CCDC73: variants seen among roughly 807,000 people sequenced by gnomAD.
CCDC73 encodes coiled-coil domain-containing protein 73.
CCDC73 carries 95 observed loss-of-function variants against 116.5 expected under a neutral mutation model. That is an observed-to-expected ratio of 0.82 (90% CI 0.69 to 0.97). The LOEUF is 0.97. Among genes scored for constraint, CCDC73 ranks in the 50% least tolerant of loss-of-function variants. The pLI is 0.00. For missense variants in CCDC73, 1,066 were observed against 1,206.8 expected, an observed-to-expected ratio of 0.88 and a Z score of 1.73; for synonymous variants, 398 against 401.3, an observed-to-expected ratio of 0.99 and a Z score of 0.10.
chr11:32,785,372 G>A (rs1379975573), intron 1 of CCDC73, among the ~76,000 whole-genome samples: 1 of 152,066 alleles, frequency 6.6e-6, no homozygotes, highest in Admixed American at 6.6e-5. Flanking sequence ...AGCTTGACAA[G>A]GTGAGAAATG....
the CCDC73 span, among the ~76,000 whole-genome samples, chr11:32,828,622 T>A: frequency 6.6e-6 from 1 of 152,156 alleles, no homozygotes; most frequent in South Asian, 2.1e-4. Flanking sequence ...GTTAAGCACG[T>A]TCTTTGGATA....
intron 1 of CCDC73, among the ~76,000 whole-genome samples, chr11:32,767,171 T>C (rs1365785600): frequency 6.6e-6 from 1 of 151,984 alleles, no homozygotes; most frequent in Non-Finnish European, 1.5e-5. Flanking sequence ...ATACCACACA[T>C]CTACGACCAT....
At chr11:32,675,790 A>G in intron 8 of CCDC73, 96 bp downstream of exon 8, 2 of 1,230,026 alleles carry the variant, frequency 1.6e-6, no homozygotes, top group Non-Finnish European at 2.3e-6. Flanking sequence ...ATTTACTATT[A>G]TCAGTATTAT....
At chr11:32,715,099 G>C (rs1410907242) in intron 3 of CCDC73, among the ~76,000 whole-genome samples, 1 of 152,072 alleles carries the variant, frequency 6.6e-6, no homozygotes, top group Non-Finnish European at 1.5e-5. Flanking sequence ...TTATTTGCAG[G>C]CTTTTGTTCT....
chr11:32,617,457 A>C (rs1293228607), intron 14 of CCDC73, among the ~76,000 whole-genome samples: 1 of 152,194 alleles, frequency 6.6e-6, no homozygotes, highest in African/African-American at 2.4e-5. Context: ...AACCCACCAA[A>C]CTAATTTCCA....
Position 32,609,966 on chromosome 11 carries a change from T to C in CCDC73, c.3030+1166A>G, listed in dbSNP as rs1210965030. Among the ~76,000 whole-genome samples the C allele has an allele frequency of 5.3e-5, 8 of 149,688 alleles. No individual in the cohort carries two copies. In the South Asian group the frequency reaches 1.7e-3, roughly 32 times the overall value. ...AGCTAATTTTTTTTTTTTTTTTGTA[T>C]TTTTAGTAGAGACAGGGTTTCACCA... On this transcript the variant is annotated intron_variant, in intron 17 of 17. Transcript: ENST00000335185.
the CCDC73 span, among the ~76,000 whole-genome samples, chr11:32,827,704 G>C: frequency 6.6e-6 from 1 of 152,138 alleles, no homozygotes; most frequent in African/African-American, 2.4e-5. Context: ...ACTCCCCTGG[G>C]TACTGTCGAG....
chr11:32,652,153 G>A (rs1054134108), intron 12 of CCDC73, among the ~76,000 whole-genome samples: 13 of 151,932 alleles, frequency 8.6e-5, no homozygotes, highest in African/African-American at 2.4e-5. Context: ...AGAAACATAT[G>A]CCTAGCTGGC....
chr11:32,621,922 TG>T (rs2133228568), intron 14 of CCDC73, among the ~76,000 whole-genome samples: 1 of 152,332 alleles, frequency 6.6e-6, no homozygotes, highest in South Asian at 2.1e-4. Flanking sequence ...TCAACATCAC[TG>T]ATCATTAGAG....
rs181087584 is a variant in CCDC73, at chr11:32,709,719, G to C, written c.208-6775C>G. Among the ~76,000 whole-genome samples, 7 of 152,324 alleles carry C rather than the reference G, an allele frequency of 4.6e-5. No homozygotes were observed. In the East Asian group the frequency reaches 1.3e-3, roughly 29 times the overall value. On this transcript the variant is annotated intron_variant, in intron 3 of 17. Transcript: ENST00000335185. ...TGGTTTTGGTATTAGGATGATACTG[G>C]CTTCACAGAATGATTAAGGGAGGAT...
intron 9 of CCDC73, among the ~76,000 whole-genome samples, chr11:32,670,360 A>G (rs893282622): frequency 1.3e-5 from 2 of 152,062 alleles, no homozygotes; most frequent in East Asian, 3.9e-4. Context: ...GTCTCTACTA[A>G]AAATACAAAA....
At position 32,614,418 on chromosome 11, in the gene CCDC73, C is replaced by G; in HGVS notation, c.1900G>C (p.Asp634His). 1 of 1,613,340 alleles carries G rather than the reference C, an allele frequency of 6.2e-7. No individual in the cohort carries two copies. Among genetic ancestry groups the G allele is most frequent in the Non-Finnish European group, 8.5e-7 (1 of 1,179,652 alleles). ...QTKADLDSSL[D>H]IKKNPVPCQK... ...CATGGAACAGGATTTTTTTTTATAT[C>G]TAGAGACGAGTCCAAATCTGCTTTG... Residue 634 changes from aspartate (D) to histidine (H), a missense_variant, in exon 16 of 18, where the codon GAT becomes CAT. Physicochemically the swap from Asp to His is moderately conservative, Grantham distance 81 (BLOSUM62 -1). Transcript: ENST00000335185.
intron 14 of CCDC73, among the ~76,000 whole-genome samples, chr11:32,629,128 G>GA (rs1463129988): frequency 6.6e-6 from 1 of 151,814 alleles, no homozygotes; most frequent in African/African-American, 2.4e-5. Flanking sequence ...AGCAGAGAGG[G>GA]AAAAAAAGAC....
Position 32,679,552 on chromosome 11 carries a change from C to T in CCDC73, c.430-3531G>A, listed in dbSNP as rs555020008. ...CTAATTTTTTGTATTTTAATAGAGACGGGGTTTCACTGTGTTGCCCAGGCT... is the reference window on the plus strand; with the variant it reads ...CTAATTTTTTGTATTTTAATAGAGATGGGGTTTCACTGTGTTGCCCAGGCT... On this transcript the variant is annotated intron_variant, in intron 7 of 17. Coordinates refer to ENST00000335185, the MANE Select transcript of CCDC73 (RefSeq NM_001008391.4). 5.3e-4 allele frequency among the ~76,000 whole-genome samples: 80 copies of T among 152,078 alleles called. 2 individuals carry two copies. In the South Asian group the frequency reaches 0.015, roughly 29 times the overall value.
At chr11:32,739,618 A>G (rs1249068750) in intron 2 of CCDC73, among the ~76,000 whole-genome samples, 1 of 152,146 alleles carries the variant, frequency 6.6e-6, no homozygotes, top group East Asian at 1.9e-4. Context: ...GTTTTTCCAA[A>G]TAGAAGATCA....
chr11:32,685,785 G>A lies in CCDC73; in HGVS notation c.391-2211C>T, dbSNP rs183102024. Among the ~76,000 whole-genome samples, 1,021 of 138,922 alleles carry A rather than the reference G, an allele frequency of 7.3e-3. 15 individuals are homozygous for A. Among genetic ancestry groups the A allele is most frequent in the African/African-American group, 0.027 (983 of 36,732 alleles). 91.1% of individuals were successfully genotyped at this position (138,922 alleles called of 152,430 possible). A position where few individuals can be genotyped will look rare whatever the true frequency, so the allele number is the denominator to read the frequency against. ...TCACCAGGTTGGAGTGCAGTGGTGC[G>A]ATCTCAGCTCACTGCAACCTCTGCC... On this transcript the variant is annotated intron_variant, in intron 6 of 17. Coordinates refer to ENST00000335185, the MANE Select transcript of CCDC73 (RefSeq NM_001008391.4).
At chr11:32,738,839 G>A (rs1363907692) in intron 2 of CCDC73, among the ~76,000 whole-genome samples, 2 of 152,058 alleles carry the variant, frequency 1.3e-5, no homozygotes, top group Admixed American at 1.3e-4. Flanking sequence ...TGAGGTTTTA[G>A]ATTTAAGTCT....
At chr11:32,744,934 T>C (rs1355125497) in intron 2 of CCDC73, among the ~76,000 whole-genome samples, 3 of 152,152 alleles carry the variant, frequency 2.0e-5, no homozygotes, top group African/African-American at 7.2e-5. Context: ...AGTTATTTCT[T>C]GTCTTCTGCT....
At chr11:32,665,592 TG>T (rs1855973323) in intron 9 of CCDC73, among the ~76,000 whole-genome samples, 1 of 152,228 alleles carries the variant, frequency 6.6e-6, no homozygotes, top group African/African-American at 2.4e-5. Flanking sequence ...TGCACACTGA[TG>T]GGTCTTGACT....
Sources: allele counts gnomAD v4.1 joint callset (sites outside exome capture counted in the v4.1 genomes callset), GRCh38; gene constraint gnomAD v4.1.1; transcripts MANE v1.5; gene names NCBI Gene and HGNC (gene_info 2026-07-23, HGNC 2026-07-21).